Variants in METAP1 observed in about 807,000 individuals in gnomAD.
METAP1 encodes the protein methionine aminopeptidase 1.
METAP1 carries 28 observed loss-of-function variants against 53.8 expected under a neutral mutation model. The ratio of observed to expected loss-of-function variants is 0.52; its 90% confidence interval spans 0.39 to 0.71. The LOEUF is 0.71. Ranked by LOEUF, METAP1 falls within the 30% of genes least tolerant of loss-of-function variation. METAP1 has a pLI of 0.00. For missense variants in METAP1, 389 were observed against 479.8 expected, an observed-to-expected ratio of 0.81 and a Z score of 1.77; for synonymous variants, 181 against 165.7, an observed-to-expected ratio of 1.09 and a Z score of -0.71.
chr4:99,038,954 C>T (rs1325924664), intron 4 of METAP1, among the ~76,000 whole-genome samples: 1 of 152,092 alleles, frequency 6.6e-6, no homozygotes, highest in East Asian at 1.9e-4. Context: ...AAACACTTAA[C>T]TTTGGTTCCT....
At chr4:99,033,620 C>T (rs923605017) in intron 2 of METAP1, among the ~76,000 whole-genome samples, 2 of 152,206 alleles carry the variant, frequency 1.3e-5, no homozygotes, top group Admixed American at 6.5e-5. Context: ...AGACCGTTCC[C>T]TCCCTTGTCT....
intron 1 of METAP1, among the ~76,000 whole-genome samples, chr4:98,999,337 A>G (rs1469807536): frequency 6.6e-6 from 1 of 151,948 alleles, no homozygotes; most frequent in East Asian, 1.9e-4. Context: ...TTTCAGCTGT[A>G]TCTTTTTAAA....
chr4:99,042,588 T>C (rs1364457171), intron 6 of METAP1, among the ~76,000 whole-genome samples: 1 of 152,140 alleles, frequency 6.6e-6, no homozygotes, highest in Non-Finnish European at 1.5e-5. Context: ...GTTTCTTAAT[T>C]ATACTAGTAG....
intron 1 of METAP1, among the ~76,000 whole-genome samples, chr4:99,019,494 G>A (rs1723962712): frequency 6.6e-6 from 1 of 152,036 alleles, no homozygotes; most frequent in East Asian, 1.9e-4. Context: ...GAGATCCTTT[G>A]TTTTAGTTTC....
intron 8 of METAP1, 59 bp downstream of exon 8, chr4:99,045,369 C>A: frequency 6.3e-7 from 1 of 1,589,812 alleles, no homozygotes; most frequent in Non-Finnish European, 8.6e-7. Context: ...CCAAGAATGA[C>A]TGGGCGCTGC....
chr4:98,998,290 A>T (rs1722734759), intron 1 of METAP1, among the ~76,000 whole-genome samples: 1 of 152,238 alleles, frequency 6.6e-6, no homozygotes, highest in South Asian at 2.1e-4. Context: ...TGGGAGGCCT[A>T]GGCGGGTGGA....
intron 1 of METAP1, among the ~76,000 whole-genome samples, chr4:99,006,163 C>T (rs936106372): frequency 1.3e-5 from 2 of 152,128 alleles, no homozygotes; most frequent in Non-Finnish European, 2.9e-5. Flanking sequence ...CTATTTGCAT[C>T]AGTACACTTG....
intron 1 of METAP1, chr4:99,022,400 G>T: frequency 1.3e-6 from 1 of 761,272 alleles, no homozygotes; most frequent in South Asian, 3.8e-5. Context: ...TTGTTGGAGT[G>T]GGCCTTGTCC....
chr4:99,021,536 A>G (rs1197018754), intron 1 of METAP1, among the ~76,000 whole-genome samples: 1 of 152,170 alleles, frequency 6.6e-6, no homozygotes, highest in African/African-American at 2.4e-5. Context: ...TGATGTTGTA[A>G]AGAAATCAAC....
intron 1 of METAP1, chr4:99,023,583 G>T (rs1560707118): frequency 1.0e-6 from 1 of 985,116 alleles, no homozygotes; most frequent in African/African-American, 1.7e-5. Context: ...GGATCTTAAG[G>T]TAATAGGACA....
intron 1 of METAP1, chr4:99,026,520 G>T: frequency 1.0e-6 from 1 of 985,334 alleles, no homozygotes; most frequent in Non-Finnish European, 1.2e-6. Context: ...TATACAAAGG[G>T]AAGAGATTGG....
intron 1 of METAP1, among the ~76,000 whole-genome samples, chr4:99,012,668 T>TG (rs1469919328): frequency 1.3e-5 from 2 of 150,400 alleles, no homozygotes; most frequent in Non-Finnish European, 3.0e-5. Flanking sequence ...TTTTTTTTTT[T>TG]TTTTTTTTTT....
rs1413173886 is a variant in METAP1, at chr4:99,034,266, C to G, written c.203C>G (p.Thr68Ser). The G allele has an allele frequency of 6.4e-7, 1 of 1,550,470 alleles. No individual in the cohort carries two copies. The highest frequency in any genetic ancestry group is 1.4e-5 in the African/African-American group (1 of 72,990). The change falls in exon 3 of 11, where the codon ACT becomes AGT. Residue 68 changes from threonine (T) to serine (S), a missense_variant. By Grantham distance (58) the Thr-to-Ser change is moderately conservative. Transcript: ENST00000296411. ...GCGAAGCGAGAAGTGTCTTCCTGGA[C>G]TGTGGAAGGTGATATTAATACTGAC... ...EKAKREVSSW[T>S]VEGDINTDPW...
intron 1 of METAP1, among the ~76,000 whole-genome samples, chr4:99,010,090 G>A (rs1419443435): frequency 6.6e-6 from 1 of 151,982 alleles, no homozygotes; most frequent in African/African-American, 2.4e-5. Context: ...TTATTCTTTG[G>A]CATTTGGATC....
intron 1 of METAP1, among the ~76,000 whole-genome samples, chr4:99,007,168 G>A (rs1376249754): frequency 1.3e-5 from 2 of 151,886 alleles, no homozygotes; most frequent in Non-Finnish European, 2.9e-5. Flanking sequence ...TGTTGCCCGG[G>A]CTGCTGTCTC....
chr4:99,019,040 A>C (rs1380236370), intron 1 of METAP1, among the ~76,000 whole-genome samples: 1 of 152,220 alleles, frequency 6.6e-6, no homozygotes, highest in African/African-American at 2.4e-5. Flanking sequence ...TAACTTTAGC[A>C]TTAAGTCTCT....
At chr4:99,057,702 C>A in intron 9 of METAP1, 51 bp from the exon 10 acceptor site, 2 of 1,356,934 alleles carry the variant, frequency 1.5e-6, no homozygotes, top group Non-Finnish European at 2.1e-6. Context: ...AGCTGTTCAA[C>A]AGTACACTGT....
At chr4:98,997,756 C>T (rs1478976452) in intron 1 of METAP1, among the ~76,000 whole-genome samples, 1 of 152,176 alleles carries the variant, frequency 6.6e-6, no homozygotes, top group Non-Finnish European at 1.5e-5. Flanking sequence ...GAGGTATTTA[C>T]ATGTTGGATT....
At chr4:99,039,858 C>T (rs1323958903) in intron 5 of METAP1, among the ~76,000 whole-genome samples, 2 of 152,120 alleles carry the variant, frequency 1.3e-5, no homozygotes, top group African/African-American at 4.8e-5. Flanking sequence ...TCCCAAAATG[C>T]TGGGATTACA....
Sources: allele counts gnomAD v4.1 joint callset (sites outside exome capture counted in the v4.1 genomes callset), GRCh38; gene constraint gnomAD v4.1.1; transcripts MANE v1.5; gene names NCBI Gene and HGNC (gene_info 2026-07-23, HGNC 2026-07-21).